ESRRG: variants seen among roughly 807,000 people sequenced by gnomAD.
The protein encoded by ESRRG is estrogen-related receptor gamma.
In ESRRG, 13 loss-of-function variants were observed where a neutral mutation model predicts 44.0. That is an observed-to-expected ratio of 0.30 (90% confidence interval 0.19 to 0.47). The LOEUF (loss-of-function observed/expected upper bound fraction) is 0.47, where lower values mean the gene tolerates loss of function less well. ESRRG is among the 20% of genes least tolerant of loss of function. The pLI, the probability that ESRRG is intolerant of heterozygous loss-of-function variation, is 1.00. For synonymous variants in ESRRG, 215 were observed against 214.6 expected (o/e 1.00, Z -0.02); for missense variants, 395 against 580.6 (o/e 0.68, Z 3.29).
At chr1:216,507,637 GA>G (rs1267771312) in intron 6 of ESRRG, among the ~76,000 whole-genome samples, 1 of 152,264 alleles carries the variant, frequency 6.6e-6, no homozygotes, top group Non-Finnish European at 1.5e-5. Flanking sequence ...CCAAACAGGG[GA>G]AAAAATTGTT....
chr1:216,596,827 T>C (rs1455854842), intron 3 of ESRRG, among the ~76,000 whole-genome samples: 2 of 152,178 alleles, frequency 1.3e-5, no homozygotes, highest in Non-Finnish European at 2.9e-5. Flanking sequence ...GGGCCAAATC[T>C]GATCTGGCCA....
intron 2 of ESRRG, among the ~76,000 whole-genome samples, chr1:216,933,166 T>G (rs1005965072): frequency 6.6e-6 from 1 of 152,112 alleles, no homozygotes; most frequent in Admixed American, 6.6e-5. Context: ...ATATAGAAAA[T>G]ATTATAGTCA....
In ESRRG at chr1:216,994,749, T is replaced by A. The variant is rs181199140; in HGVS notation, c.-105-55076A>T. On this transcript the variant is annotated intron_variant, in intron 1 of 7. Coordinates refer to the ESRRG transcript ENST00000359162. ...GGTGCCCACCACCACGCCCGGCTAA[T>A]TTTTTGTATTTTTTTTTTAGTAGAG... 4.9e-5 allele frequency among the ~76,000 whole-genome samples: 7 copies of A among 142,224 alleles called. No individual in the cohort carries two copies. The East Asian group carries it at 1.5e-3, about 29-fold the overall frequency. 93.3% of individuals were successfully genotyped at this position (142,224 alleles called of 152,430 possible).
chr1:216,570,181 T>C (rs1446132555), intron 3 of ESRRG, among the ~76,000 whole-genome samples: 1 of 152,200 alleles, frequency 6.6e-6, no homozygotes, highest in Non-Finnish European at 1.5e-5. Flanking sequence ...CATATTGAAG[T>C]ATCAGAATAT....
intron 1 of ESRRG, among the ~76,000 whole-genome samples, chr1:216,956,766 G>GA (rs1409560918): frequency 5.3e-5 from 8 of 152,188 alleles, no homozygotes; most frequent in East Asian, 1.9e-4. Flanking sequence ...AAGTCTTTCA[G>GA]AAAAAACAAT....
chr1:216,983,686 A>ATGTG (rs6143621), intron 1 of ESRRG, among the ~76,000 whole-genome samples: 6 of 149,354 alleles, frequency 4.0e-5, no homozygotes, highest in South Asian at 2.2e-4. Flanking sequence ...GTGCATGTGC[A>ATGTG]TGTGTGTGTG....
intron 1 of ESRRG, chr1:216,707,491 A>G: frequency 6.5e-7 from 1 of 1,529,604 alleles, no homozygotes; most frequent in Non-Finnish European, 8.7e-7. Flanking sequence ...TCAGTTCTAA[A>G]AAGCCAAAAC....
chr1:216,587,997 C>A (rs536069480), intron 3 of ESRRG, among the ~76,000 whole-genome samples: 5 of 152,278 alleles, frequency 3.3e-5, no homozygotes, highest in Admixed American at 3.3e-4. Context: ...CCTATTTTAG[C>A]AGCAACAGTA....
At chr1:216,752,778 T>C (rs2092141571) in intron 2 of ESRRG, among the ~76,000 whole-genome samples, 2 of 152,096 alleles carry the variant, frequency 1.3e-5, no homozygotes, top group African/African-American at 4.8e-5. Flanking sequence ...CCATGCCTCT[T>C]ATTAGCTCTC....
At chr1:217,064,727 A>T (rs1338474049) in intron 1 of ESRRG, among the ~76,000 whole-genome samples, 1 of 152,190 alleles carries the variant, frequency 6.6e-6, no homozygotes. Context: ...TTTCAAGTAG[A>T]TATCAGCCCT....
intron 3 of ESRRG, among the ~76,000 whole-genome samples, chr1:216,640,450 G>C (rs944816307): frequency 6.6e-6 from 1 of 151,598 alleles, no homozygotes; most frequent in Non-Finnish European, 1.5e-5. Context: ...GCTTGCCTTA[G>C]GGAAGCTGGT....
chr1:217,082,701 A>T (rs892057516), intron 1 of ESRRG, among the ~76,000 whole-genome samples: 3 of 144,516 alleles, frequency 2.1e-5, no homozygotes, highest in African/African-American at 7.8e-5. Flanking sequence ...TTCTTCATCC[A>T]ACTGCTTCCG....
chr1:216,801,204 T>G (rs1213958948), intron 2 of ESRRG, among the ~76,000 whole-genome samples: 2 of 152,192 alleles, frequency 1.3e-5, no homozygotes, highest in Admixed American at 6.6e-5. Context: ...TCTAGACTTG[T>G]TCATCCAACA....
chr1:216,628,132 A>G (rs2063501234), intron 3 of ESRRG, among the ~76,000 whole-genome samples: 2 of 152,240 alleles, frequency 1.3e-5, no homozygotes, highest in South Asian at 4.1e-4. Context: ...TCTAGAAAGT[A>G]TCTTAGAGTC....
intron 1 of ESRRG, among the ~76,000 whole-genome samples, chr1:216,976,922 C>T (rs2073045140): frequency 6.6e-6 from 1 of 152,112 alleles, no homozygotes; most frequent in African/African-American, 2.4e-5. Flanking sequence ...TTCCCCTACT[C>T]TTTTTATTAG....
chr1:217,115,942 T>A (rs574874807), intron 1 of ESRRG, among the ~76,000 whole-genome samples: 1 of 152,294 alleles, frequency 6.6e-6, no homozygotes, highest in Non-Finnish European at 1.5e-5. Flanking sequence ...ATAAAGTTGA[T>A]AAGTAAAAGA....
intron 1 of ESRRG, among the ~76,000 whole-genome samples, chr1:217,044,471 T>C (rs1014385353): frequency 3.3e-5 from 5 of 152,168 alleles, no homozygotes; most frequent in African/African-American, 1.2e-4. Context: ...TTCCTGGAAA[T>C]CTTTAATTCA....
intron 5 of ESRRG, among the ~76,000 whole-genome samples, chr1:216,521,584 G>A (rs981624480): frequency 6.6e-6 from 1 of 152,136 alleles, no homozygotes; most frequent in African/African-American, 2.4e-5. Flanking sequence ...AGAGCGTGTA[G>A]CCCGCAGCAC....
At chr1:216,546,941 G>A (rs2054689926) in intron 5 of ESRRG, among the ~76,000 whole-genome samples, 1 of 151,772 alleles carries the variant, frequency 6.6e-6, no homozygotes, top group Non-Finnish European at 1.5e-5. Context: ...TTCTCCTAAT[G>A]CTACCCCTCC....
Sources: allele counts gnomAD v4.1 joint callset (sites outside exome capture counted in the v4.1 genomes callset), GRCh38; gene constraint gnomAD v4.1.1; transcripts MANE v1.5; gene names NCBI Gene and HGNC (gene_info 2026-07-23, HGNC 2026-07-21).